The following KCNN2 variants were observed in gnomAD, a reference collection of about 807,000 sequenced individuals.
KCNN2 encodes potassium calcium-activated channel subfamily N member 2.
KCNN2 carries 24 observed loss-of-function variants against 55.5 expected under a neutral mutation model. That is an observed-to-expected ratio of 0.43 (90% CI 0.31 to 0.61). KCNN2 has a LOEUF of 0.61. Among genes scored for constraint, KCNN2 ranks in the 20% least tolerant of loss-of-function variants. The pLI, the probability that KCNN2 is intolerant of heterozygous loss-of-function variation, is 0.08. For missense variants in KCNN2, 754 were observed against 853.6 expected, an observed-to-expected ratio of 0.88 and a Z score of 1.45; for synonymous variants, 431 against 336.1, an observed-to-expected ratio of 1.28 and a Z score of -3.09.
At chr5:114,220,670 A>T (rs957861894) in intron 1 of KCNN2, among the ~76,000 whole-genome samples, 1 of 152,112 alleles carries the variant, frequency 6.6e-6, no homozygotes, top group African/African-American at 2.4e-5. Context: ...AAAATTAACA[A>T]GTGAACATGG....
At chr5:114,111,980 A>G (rs1409128772) in intron 1 of KCNN2, among the ~76,000 whole-genome samples, 3 of 152,350 alleles carry the variant, frequency 2.0e-5, no homozygotes, top group Non-Finnish European at 4.4e-5. Flanking sequence ...ATTACTGGGT[A>G]TATACCTAAA....
intron 1 of KCNN2, among the ~76,000 whole-genome samples, chr5:114,099,486 G>C (rs1404419954): frequency 6.6e-6 from 1 of 152,040 alleles, no homozygotes; most frequent in Non-Finnish European, 1.5e-5. Context: ...TTCTTGAAAA[G>C]ACAGGATCTC....
intron 1 of KCNN2, among the ~76,000 whole-genome samples, chr5:114,167,840 T>A (rs773307624): frequency 6.6e-6 from 1 of 152,132 alleles, no homozygotes; most frequent in African/African-American, 2.4e-5. Context: ...CCCATACTTT[T>A]CAAGCAACCA....
chr5:114,379,804 T>C (rs899273791), intron 2 of KCNN2, among the ~76,000 whole-genome samples: 3 of 143,388 alleles, frequency 2.1e-5, no homozygotes, highest in African/African-American at 7.6e-5. Flanking sequence ...GAATATATTA[T>C]ATAACATATT....
At position 114,303,716 on chromosome 5, in the gene KCNN2, A is replaced by G. The variant is rs546481306; in HGVS notation, c.-184-57229A>G. ...TAATAACTTAAGTTGCAATGCAAAT[A>G]GTAGAATAAAACAGATTTGAGAGAG... On this transcript the variant is annotated intron_variant, in intron 2 of 10. Coordinates refer to the KCNN2 transcript ENST00000512097. Among the ~76,000 whole-genome samples, 171 of 152,340 alleles carry G rather than the reference A, an allele frequency of 1.1e-3. 1 individual carries two copies. Among genetic ancestry groups the G allele is most frequent in the African/African-American group, 4.0e-3 (165 of 41,574 alleles).
chr5:114,333,120 T>C (rs1232140771), intron 2 of KCNN2, among the ~76,000 whole-genome samples: 1 of 152,182 alleles, frequency 6.6e-6, no homozygotes, highest in Non-Finnish European at 1.5e-5. Flanking sequence ...AGAATAAATG[T>C]TGATATAGAG....
intron 3 of KCNN2, among the ~76,000 whole-genome samples, chr5:114,405,142 C>G (rs749125713): frequency 6.6e-6 from 1 of 152,114 alleles, no homozygotes; most frequent in Admixed American, 6.5e-5. Flanking sequence ...GTACAGGACA[C>G]TTTTATTGGA....
chr5:114,427,174 T>G (rs534132258), intron 3 of KCNN2, among the ~76,000 whole-genome samples: 17 of 152,326 alleles, frequency 1.1e-4, no homozygotes, highest in African/African-American at 4.1e-4. Context: ...AGCAAACTTG[T>G]CCTGGGACTT....
intron 1 of KCNN2, among the ~76,000 whole-genome samples, chr5:114,177,489 C>G (rs189076171): frequency 2.4e-4 from 37 of 151,818 alleles, no homozygotes; most frequent in African/African-American, 7.7e-4. Context: ...TATATGTATT[C>G]TATATATCCA....
At chr5:114,097,430 T>C (rs1245154087) in intron 1 of KCNN2, among the ~76,000 whole-genome samples, 2 of 152,176 alleles carry the variant, frequency 1.3e-5, no homozygotes, top group African/African-American at 4.8e-5. Flanking sequence ...GTCACTAGTG[T>C]CATGGGTATA....
chr5:114,413,839 G>A (rs1759213959), intron 3 of KCNN2, among the ~76,000 whole-genome samples: 1 of 152,114 alleles, frequency 6.6e-6, no homozygotes, highest in African/African-American at 2.4e-5. Flanking sequence ...TGGAATAGAG[G>A]TCCTAAGTGT....
chr5:114,151,030 C>T (rs1197340690), intron 1 of KCNN2, among the ~76,000 whole-genome samples: 1 of 151,906 alleles, frequency 6.6e-6, no homozygotes, highest in African/African-American at 2.4e-5. Context: ...TCAAAACAAA[C>T]AAACAAACAA....
At chr5:114,227,998 G>C (rs1406609751) in intron 2 of KCNN2, among the ~76,000 whole-genome samples, 14 of 3,264 alleles carry the variant, frequency 4.3e-3, no homozygotes, top group Non-Finnish European at 6.3e-3. Context: ...TGATGACGAT[G>C]ATGATGATGA....
At chr5:114,386,984 A>C (rs1758309320) in intron 2 of KCNN2, among the ~76,000 whole-genome samples, 1 of 152,180 alleles carries the variant, frequency 6.6e-6, no homozygotes, top group South Asian at 2.1e-4. Flanking sequence ...AGCAATCTTG[A>C]AATACTTCCT....
intron 2 of KCNN2, among the ~76,000 whole-genome samples, chr5:114,379,101 G>T (rs1402949825): frequency 2.0e-5 from 3 of 151,984 alleles, no homozygotes; most frequent in Non-Finnish European, 2.9e-5. Flanking sequence ...TCCCAGCCTT[G>T]TCATTCCTCT....
intron 1 of KCNN2, among the ~76,000 whole-genome samples, chr5:114,147,405 G>C (rs146848488): frequency 2.7e-3 from 412 of 152,294 alleles, no homozygotes; most frequent in Non-Finnish European, 4.9e-3. Flanking sequence ...GTGATACGTT[G>C]ACGTCCTAAC....
chr5:114,466,271 T>C (rs1186846368), intron 4 of KCNN2, among the ~76,000 whole-genome samples: 1 of 152,140 alleles, frequency 6.6e-6, no homozygotes, highest in Non-Finnish European at 1.5e-5. Flanking sequence ...CCTGAGGGTT[T>C]ACTATTGTAA....
At position 114,362,919 on chromosome 5, in the gene KCNN2, C is replaced by G. The variant is rs1174375762; in HGVS notation, c.780C>G (p.Ser260=). ...TCGGAGGAGGTGGCGGCGCGTCCTC[C>G]CCGTCTGCAGCCGCTGCCGCCGCCG... is the stretch of plus-strand genomic sequence containing the variant. The part of the protein sequence containing the change: ...ASVGGGGGAS[S]PSAAAAAAAA... Residue 260 remains serine (S), a synonymous_variant, in exon 1 of 8, where the codon TCC becomes TCG. Coordinates refer to ENST00000673685, the MANE Select transcript of KCNN2 (RefSeq NM_021614.4). 2 of 1,580,606 alleles carry G rather than the reference C, an allele frequency of 1.3e-6. No individual in the cohort carries two copies. The highest frequency in any genetic ancestry group is 1.7e-6 in the Non-Finnish European group (2 of 1,173,012).
chr5:114,154,289 G>A (rs139483712), intron 1 of KCNN2, among the ~76,000 whole-genome samples: 388 of 152,232 alleles, frequency 2.5e-3, no homozygotes, highest in African/African-American at 9.0e-3. Context: ...AGAAACATGA[G>A]CCCATAAAGG....
Sources: gnomAD v4.1 joint callset for allele counts (sites outside exome capture counted in the v4.1 genomes callset) on GRCh38, gnomAD v4.1.1 for gene constraint, MANE v1.5 for transcripts, NCBI Gene and HGNC (gene_info 2026-07-23, HGNC 2026-07-21) for gene names.